Variants in GBF1 observed in about 807,000 individuals in gnomAD.
GBF1 encodes Golgi-specific brefeldin A-resistance guanine nucleotide exchange factor 1.
A neutral mutation model predicts 210.5 loss-of-function variants in GBF1; 114 were observed. That is an observed-to-expected ratio of 0.54 (90% CI 0.47 to 0.63). The LOEUF (loss-of-function observed/expected upper bound fraction) is 0.63. Among genes scored for constraint, GBF1 ranks in the 30% least tolerant of loss-of-function variants. The pLI is 0.00. For missense variants in GBF1, 1,851 were observed against 2,357.7 expected, an observed-to-expected ratio of 0.79 and a Z score of 4.45; for synonymous variants, 850 against 889.2, an observed-to-expected ratio of 0.96 and a Z score of 0.78.
chr10:102,370,137 T>G (rs1344317818), intron 26 of GBF1, 37 bp from the exon 27 acceptor site: 1 of 1,557,412 alleles, frequency 6.4e-7, no homozygotes, highest in South Asian at 1.1e-5. Flanking sequence ...CTCTTCAGCC[T>G]TTGTCAAAGA....
In GBF1 at chr10:102,363,120, T is replaced by C; in HGVS notation, c.1877-136T>C. 1 of 663,100 alleles carries C rather than the reference T, an allele frequency of 1.5e-6. No homozygotes were observed. The highest frequency in any genetic ancestry group is 2.5e-6 in the Non-Finnish European group (1 of 402,608). The allele number at this position is 663,100 out of a possible 1,614,324, so 41.1% of individuals were successfully genotyped here. A position where few individuals can be genotyped will look rare whatever the true frequency, so the allele number is the denominator to read the frequency against. ...GGGACAGGGACTACTTATTTTGGCTTGGGTTTGTCCTGCTCAGGGCTGGCG... is the reference window on the plus strand; with the variant it reads ...GGGACAGGGACTACTTATTTTGGCTCGGGTTTGTCCTGCTCAGGGCTGGCG... On this transcript the variant is annotated intron_variant, in intron 15 of 39. Transcript: ENST00000369983. The surrounding 1 kb of genome is among the most constrained non-coding windows in gnomAD (Gnocchi z 4.2).
Position 102,379,580 on chromosome 10 carries a change from C to G in GBF1, c.4705C>G (p.Leu1569Val), listed in dbSNP as rs2060714998. Residue 1569 changes from leucine to valine, a missense_variant, in exon 35 of 40, where the codon CTG (leucine) becomes GTG (valine). By Grantham distance (32) the Leu-to-Val change is conservative. Coordinates refer to ENST00000369983, the MANE Select transcript of GBF1 (RefSeq NM_001377137.1). ...RQVRMQALTY[L>V]QRALLVHDLQ... ...GGTACGGATGCAGGCACTGACCTAT[C>G]TGCAGCGAGCACTACTTGTACATGA... 1.2e-6 allele frequency: 2 copies of G among 1,614,146 alleles called. No homozygotes were observed. The highest frequency in any genetic ancestry group is 4.5e-5 in the East Asian group (2 of 44,882).
At chr10:102,359,586 T>C in intron 11 of GBF1, 151 bp downstream of exon 11, 1 of 625,680 alleles carries the variant, frequency 1.6e-6, no homozygotes, top group Non-Finnish European at 2.8e-6. Flanking sequence ...AGTCAAGCCA[T>C]AGACTGTTGG....
intron 3 of GBF1, among the ~76,000 whole-genome samples, chr10:102,293,362 C>T (rs531338115): frequency 6.6e-6 from 1 of 152,084 alleles, no homozygotes; most frequent in Admixed American, 6.6e-5. Flanking sequence ...AAATTATGTA[C>T]AGTATATAAT....
rs146485959 is a variant in GBF1 at position 102,330,295 on chromosome 10, C to T, written c.164-13756C>T. 1.1e-3 allele frequency among the ~76,000 whole-genome samples: 161 copies of T among 152,230 alleles called. 1 individual carries two copies. The highest frequency in any genetic ancestry group is 3.7e-3 in the African/African-American group (153 of 41,532). The stretch of plus-strand genomic sequence containing the variant: ...TAAGTCACTTAACCTCTTAGAGCCT[C>T]GGTGTCCTTATCTGTAAAGTGAGGA... On this transcript the variant is annotated intron_variant, in intron 3 of 39. Coordinates refer to ENST00000369983, the MANE Select transcript of GBF1 (RefSeq NM_001377137.1).
At chr10:102,368,975 T>C (rs1433583202) in intron 23 of GBF1, 143 bp downstream of exon 23, 4 of 655,584 alleles carry the variant, frequency 6.1e-6, no homozygotes, top group Non-Finnish European at 1.1e-5. Context: ...GCTTAGGCCA[T>C]TTCTGTCTTG....
chr10:102,294,871 G>A (rs145355456), intron 3 of GBF1, among the ~76,000 whole-genome samples: 81 of 152,276 alleles, frequency 5.3e-4, no homozygotes, highest in Non-Finnish European at 1.0e-3. Context: ...GTAGGTTTGT[G>A]TAAGCATACT....
chr10:102,231,551 C>G, the GBF1 span: 1 of 1,396,260 alleles, frequency 7.2e-7, no homozygotes, highest in Middle Eastern at 2.4e-4. Flanking sequence ...GCGCGGAGGG[C>G]CCGCGCGGGT....
chr10:102,260,505 A>G (rs2073073335), intron 3 of GBF1, among the ~76,000 whole-genome samples: 1 of 59,030 alleles, frequency 1.7e-5, no homozygotes, highest in Non-Finnish European at 2.9e-5. Flanking sequence ...TTTTTGAGGT[A>G]GAGTCTCTGT....
chr10:102,375,201 T>TG (rs989433539), intron 29 of GBF1, among the ~76,000 whole-genome samples, 158 bp from the exon 30 acceptor site: 7 of 148,266 alleles, frequency 4.7e-5, no homozygotes, highest in African/African-American at 1.7e-4. Flanking sequence ...TATTTCTATT[T>TG]GAAAAAAAAA....
chr10:102,242,277 G>A (rs2070556242), upstream of GBF1, among the ~76,000 whole-genome samples: 3 of 152,168 alleles, frequency 2.0e-5, no homozygotes, highest in South Asian at 6.2e-4. Context: ...GAACTTGGAC[G>A]AGTAACTATC....
chr10:102,243,266 C>G (rs1303212406), upstream of GBF1, among the ~76,000 whole-genome samples: 1 of 152,150 alleles, frequency 6.6e-6, no homozygotes, highest in Non-Finnish European at 1.5e-5. Context: ...CAGTGTATAC[C>G]TTCTATTACA....
intron 17 of GBF1, among the ~76,000 whole-genome samples, chr10:102,364,436 G>A (rs1224866336): frequency 6.7e-6 from 1 of 149,958 alleles, no homozygotes; most frequent in East Asian, 2.0e-4. Flanking sequence ...GTGTTAGCCA[G>A]GGTGGTCTTG....
At chr10:102,306,484 C>T (rs1264513802) in intron 3 of GBF1, among the ~76,000 whole-genome samples, 1 of 152,184 alleles carries the variant, frequency 6.6e-6, no homozygotes, top group Non-Finnish European at 1.5e-5. Context: ...AGTGCAATGG[C>T]GCAATCTTGG....
At chr10:102,294,194 CT>C (rs935206630) in intron 3 of GBF1, among the ~76,000 whole-genome samples, 3 of 151,892 alleles carry the variant, frequency 2.0e-5, no homozygotes, top group Non-Finnish European at 4.4e-5. Flanking sequence ...AAAGAAAAAT[CT>C]TTTTAAAAAT....
At chr10:102,242,563 T>A (rs1404723716), upstream of GBF1, among the ~76,000 whole-genome samples, 2 of 152,200 alleles carry the variant, frequency 1.3e-5, no homozygotes, top group African/African-American at 4.8e-5. Flanking sequence ...CTCTCTGACT[T>A]AGGCCTCAAT....
At chr10:102,374,051 T>G (rs2060355535) in intron 29 of GBF1, among the ~76,000 whole-genome samples, 1 of 152,136 alleles carries the variant, frequency 6.6e-6, no homozygotes, top group Non-Finnish European at 1.5e-5. Context: ...ATGACAGAAC[T>G]TTAGAATTTG....
chr10:102,292,025 G>T (rs904843597), intron 3 of GBF1, among the ~76,000 whole-genome samples: 30 of 151,678 alleles, frequency 2.0e-4, no homozygotes, highest in Non-Finnish European at 8.8e-5. Flanking sequence ...GAGTAGCTGG[G>T]ACTACAGGCG....
At position 102,376,450 on chromosome 10, in the gene GBF1, C is replaced by A; in HGVS notation, c.4047+18C>A. The A allele has an allele frequency of 6.2e-7, 1 of 1,613,550 alleles. No individual in the cohort carries two copies. The highest frequency in any genetic ancestry group is 2.2e-5 in the East Asian group (1 of 44,874). ...GGTTAGTGGTGAGTGACAATATGGGCAGCAATTGAGTCTCTCCTGCTTGAC... is the reference window on the plus strand; with the variant it reads ...GGTTAGTGGTGAGTGACAATATGGGAAGCAATTGAGTCTCTCCTGCTTGAC... On this transcript the variant is annotated intron_variant, in intron 31 of 39. Transcript: ENST00000369983.
Sources: gnomAD v4.1 joint callset for allele counts (sites outside exome capture counted in the v4.1 genomes callset) on GRCh38, gnomAD v4.1.1 for gene constraint, Gnocchi (gnomAD v3.1) non-coding constraint, MANE v1.5 for transcripts, NCBI Gene and HGNC (gene_info 2026-07-23, HGNC 2026-07-21) for gene names.